ZDHHC14: variants seen among roughly 807,000 people sequenced by gnomAD.
ZDHHC14 encodes the protein zDHHC palmitoyltransferase 14, also known as palmitoyltransferase ZDHHC14.
In ZDHHC14, 16 loss-of-function variants were observed where a neutral mutation model predicts 47.7. That is an observed-to-expected ratio of 0.34 (90% confidence interval 0.23 to 0.51). The LOEUF (loss-of-function observed/expected upper bound fraction) is 0.51, where lower values mean the gene tolerates loss of function less well. Among genes scored for constraint, ZDHHC14 ranks in the 20% least tolerant of loss-of-function variants. ZDHHC14 has a pLI of 0.97. For synonymous variants in ZDHHC14, 293 were observed against 278.9 expected (o/e 1.05, Z -0.50); for missense variants, 515 against 662.5 (o/e 0.78, Z 2.44).
At chr6:157,649,268 A>G (rs548666945) in intron 7 of ZDHHC14, among the ~76,000 whole-genome samples, 1 of 152,380 alleles carries the variant, frequency 6.6e-6, no homozygotes, top group Non-Finnish European at 1.5e-5. Flanking sequence ...GTGGGGCAGC[A>G]CTGAAGGGGC....
chr6:157,629,198 C>T (rs969639368), intron 4 of ZDHHC14, among the ~76,000 whole-genome samples: 1 of 152,246 alleles, frequency 6.6e-6, no homozygotes, highest in Admixed American at 6.5e-5. Flanking sequence ...CTTTGAATTG[C>T]TTTTGTCTCT....
chr6:157,617,825 A>G (rs546674587), intron 3 of ZDHHC14, among the ~76,000 whole-genome samples: 186 of 152,300 alleles, frequency 1.2e-3, no homozygotes, highest in African/African-American at 4.4e-3. Flanking sequence ...TGGCAATTCC[A>G]TTTCTCTCCA....
chr6:157,392,487 CTG>C (rs1430524753), intron 1 of ZDHHC14, among the ~76,000 whole-genome samples: 1 of 152,110 alleles, frequency 6.6e-6, no homozygotes, highest in East Asian at 1.9e-4. Flanking sequence ...TTCTTCCTCT[CTG>C]TGTCATGTGG....
intron 1 of ZDHHC14, among the ~76,000 whole-genome samples, chr6:157,435,957 C>T (rs770314258): frequency 2.0e-5 from 3 of 152,018 alleles, no homozygotes; most frequent in Non-Finnish European, 2.9e-5. Flanking sequence ...TGGGTAGGGG[C>T]ATGGAGGATA....
intron 8 of ZDHHC14, among the ~76,000 whole-genome samples, chr6:157,659,661 A>G (rs182247268): frequency 2.0e-4 from 30 of 152,314 alleles, no homozygotes; most frequent in South Asian, 2.1e-4. Context: ...CCGGTCTCTG[A>G]TGCAGTGATA....
intron 1 of ZDHHC14, among the ~76,000 whole-genome samples, chr6:157,431,911 T>C (rs1273608140): frequency 6.6e-6 from 1 of 152,024 alleles, no homozygotes; most frequent in Non-Finnish European, 1.5e-5. Flanking sequence ...GTATTTTTTG[T>C]AGAGATAGGG....
intron 3 of ZDHHC14, among the ~76,000 whole-genome samples, chr6:157,604,542 A>G (rs904409183): frequency 2.2e-5 from 3 of 136,344 alleles, no homozygotes; most frequent in African/African-American, 8.7e-5. Context: ...GCAGTTGTGT[A>G]TTTGTTACTC....
chr6:157,600,003 G>T (rs1242653488), intron 3 of ZDHHC14, among the ~76,000 whole-genome samples: 1 of 152,176 alleles, frequency 6.6e-6, no homozygotes, highest in Non-Finnish European at 1.5e-5. Context: ...TAGAAAACTG[G>T]AATTGATTAC....
chr6:157,421,966 T>G (rs905097598), intron 1 of ZDHHC14, among the ~76,000 whole-genome samples: 1 of 152,182 alleles, frequency 6.6e-6, no homozygotes, highest in Admixed American at 6.5e-5. Flanking sequence ...ACTCAGCATG[T>G]ATTGAACTCG....
At chr6:157,619,538 G>T (rs1785101831) in intron 3 of ZDHHC14, among the ~76,000 whole-genome samples, 1 of 152,238 alleles carries the variant, frequency 6.6e-6, no homozygotes, top group South Asian at 2.1e-4. Context: ...TTAGCCACCT[G>T]CCAGGTGGTG....
rs1012611673 is a variant in ZDHHC14 at position 157,674,405 on chromosome 6, A to G, written c.*1283A>G. 54 of 152,334 alleles carry G rather than the reference A, an allele frequency of 3.5e-4. No individual in the cohort carries two copies. The highest frequency in any genetic ancestry group is 1.2e-3 in the African/African-American group (51 of 41,566). 9.4% of individuals were successfully genotyped at this position (152,334 alleles called of 1,614,324 possible). On this transcript the variant is annotated 3_prime_UTR_variant, in exon 9 of 9. Coordinates refer to ENST00000359775, the MANE Select transcript of ZDHHC14 (RefSeq NM_024630.3). Reference sequence around the variant, plus strand: ...TCATCCTTCCTAGACACTGATCAGAATGAAATTAAGAAAATGACCACTTTG... The same window carrying G: ...TCATCCTTCCTAGACACTGATCAGAGTGAAATTAAGAAAATGACCACTTTG...
At chr6:157,543,170 A>G (rs188432256) in intron 2 of ZDHHC14, among the ~76,000 whole-genome samples, 2 of 152,348 alleles carry the variant, frequency 1.3e-5, no homozygotes, top group Admixed American at 1.3e-4. Flanking sequence ...TTTCTTGTTT[A>G]TCCAGGCCAG....
chr6:157,544,958 C>T (rs929757212), intron 2 of ZDHHC14, among the ~76,000 whole-genome samples: 8 of 152,152 alleles, frequency 5.3e-5, no homozygotes, highest in Admixed American at 3.9e-4. Context: ...ACCCAGATGT[C>T]CATCAGAGGA....
At chr6:157,621,399 C>T (rs999349207) in intron 3 of ZDHHC14, among the ~76,000 whole-genome samples, 9 of 152,158 alleles carry the variant, frequency 5.9e-5, no homozygotes, top group Middle Eastern at 6.8e-3. Context: ...TAAAAACATG[C>T]GACTTAATTT....
chr6:157,403,308 C>T (rs1777681628), intron 1 of ZDHHC14, among the ~76,000 whole-genome samples: 1 of 152,268 alleles, frequency 6.6e-6, no homozygotes, highest in Non-Finnish European at 1.5e-5. Flanking sequence ...TACGAAATAA[C>T]CTGCTAGGTT....
At chr6:157,581,298 G>GTT (rs34798011) in intron 2 of ZDHHC14, among the ~76,000 whole-genome samples, 51 of 145,648 alleles carry the variant, frequency 3.5e-4, no homozygotes, top group Admixed American at 1.2e-3. Flanking sequence ...TAGTTGGTAT[G>GTT]TTTTTTTTTT....
chr6:157,578,930 G>T (rs1783407697), intron 2 of ZDHHC14, among the ~76,000 whole-genome samples: 1 of 151,990 alleles, frequency 6.6e-6, no homozygotes, highest in Admixed American at 6.6e-5. Context: ...TAATACAATG[G>T]GTCTGTTTTT....
At chr6:157,487,381 C>T (rs1220423543) in intron 1 of ZDHHC14, among the ~76,000 whole-genome samples, 1 of 152,178 alleles carries the variant, frequency 6.6e-6, no homozygotes, top group Non-Finnish European at 1.5e-5. Context: ...TCTCACTGAC[C>T]TGGTCTTCTG....
At chr6:157,547,198 G>A (rs1017338035) in intron 2 of ZDHHC14, among the ~76,000 whole-genome samples, 1 of 152,228 alleles carries the variant, frequency 6.6e-6, no homozygotes, top group Non-Finnish European at 1.5e-5. Flanking sequence ...ACGTGTGTGT[G>A]TGTTCCTTCT....
Sources: allele counts gnomAD v4.1 joint callset (sites outside exome capture counted in the v4.1 genomes callset), GRCh38; gene constraint gnomAD v4.1.1; transcripts MANE v1.5; gene names NCBI Gene and HGNC (gene_info 2026-07-23, HGNC 2026-07-21).